Variants in ITFG1 observed in about 807,000 individuals in gnomAD.
ITFG1 encodes T-cell immunomodulatory protein.
Under a neutral mutation model 81.8 loss-of-function variants are expected in ITFG1, and 34 were observed. The ratio of observed to expected loss-of-function variants is 0.42; its 90% CI spans 0.32 to 0.55. The LOEUF (loss-of-function observed/expected upper bound fraction) is 0.55, where lower values mean the gene tolerates loss of function less well. Among genes scored for constraint, ITFG1 ranks in the 20% least tolerant of loss-of-function variants. ITFG1 has a pLI of 0.17. For missense variants in ITFG1, 672 were observed against 755.4 expected (o/e 0.89, Z 1.29); for synonymous variants, 285 against 270.6 (o/e 1.05, Z -0.52).
Position 47,194,758 on chromosome 16 carries a change from G to A in ITFG1, c.1453+24110C>T, listed in dbSNP as rs1311952639. ...AAGTTCCGGGATATATGTGCAGAAT[G>A]TGCAGGTTTGTTACATAGGTACACA... is the stretch of plus-strand genomic sequence containing the variant. On this transcript the variant is annotated intron_variant, in intron 14 of 17. Transcript: ENST00000320640. Among the ~76,000 whole-genome samples, 4 of 152,164 alleles carry A rather than the reference G, an allele frequency of 2.6e-5. No individual in the cohort carries two copies. The East Asian group carries it at 7.7e-4, about 29-fold the overall frequency.
At position 47,165,196 on chromosome 16, in the gene ITFG1, C is replaced by T. The variant is rs1443242764; in HGVS notation, c.1454-2532G>A. On this transcript the variant is annotated intron_variant, in intron 14 of 17. Coordinates refer to ENST00000320640, the MANE Select transcript of ITFG1 (RefSeq NM_030790.5). Reference sequence around the variant, plus strand: ...TATTTTTCTACATGCTTAAACTTAACATTTAAATGACAAAGTTAATTAATA... The same window carrying T: ...TATTTTTCTACATGCTTAAACTTAATATTTAAATGACAAAGTTAATTAATA... Among the ~76,000 whole-genome samples, 4 of 152,128 alleles carry T rather than the reference C, an allele frequency of 2.6e-5. No homozygotes were observed. In the East Asian group the frequency reaches 7.7e-4, roughly 29 times the overall value.
chr16:47,355,402 A>T (rs976237488), intron 8 of ITFG1, among the ~76,000 whole-genome samples: 1 of 152,136 alleles, frequency 6.6e-6, no homozygotes, highest in Non-Finnish European at 1.5e-5. Context: ...ATATGGAGAG[A>T]GCTTGGTCAA....
intron 8 of ITFG1, among the ~76,000 whole-genome samples, chr16:47,356,517 G>A (rs1161770157): frequency 2.6e-5 from 4 of 152,184 alleles, no homozygotes; most frequent in Admixed American, 1.3e-4. Flanking sequence ...CTAGGGAACC[G>A]AACAGGAAAA....
intron 10 of ITFG1, among the ~76,000 whole-genome samples, chr16:47,297,359 T>G (rs1446726287): frequency 6.6e-6 from 1 of 152,208 alleles, no homozygotes; most frequent in Non-Finnish European, 1.5e-5. Flanking sequence ...AGATGGCTGA[T>G]TTTTAAAAAC....
chr16:47,442,309 T>C (rs1012295982), intron 5 of ITFG1, among the ~76,000 whole-genome samples: 1 of 152,250 alleles, frequency 6.6e-6, no homozygotes, highest in South Asian at 2.1e-4. Flanking sequence ...ATGACTTTTT[T>C]CAGAGAATTG....
rs572046836 is a variant in ITFG1 at position 47,224,868 on chromosome 16, A to C, written c.1375-5922T>G. Among the ~76,000 whole-genome samples, 6 of 152,262 alleles carry C rather than the reference A, an allele frequency of 3.9e-5. No individual in the cohort carries two copies. In the South Asian group the frequency reaches 8.3e-4, roughly 21 times the overall value. ...AAAAAAATTAGCTGTGCATGGTGGC[A>C]AGTGCCTGTGGTCCCAGCTACTCAG... On this transcript the variant is annotated intron_variant, in intron 13 of 17. Coordinates refer to ENST00000320640, the MANE Select transcript of ITFG1 (RefSeq NM_030790.5).
At chr16:47,198,728 T>C (rs1965387309) in intron 14 of ITFG1, among the ~76,000 whole-genome samples, 1 of 152,164 alleles carries the variant, frequency 6.6e-6, no homozygotes, top group African/African-American at 2.4e-5. Context: ...TGGAAGACAC[T>C]GATGTTGGTG....
At chr16:47,274,149 C>A (rs1000770250) in intron 10 of ITFG1, among the ~76,000 whole-genome samples, 5 of 151,362 alleles carry the variant, frequency 3.3e-5, no homozygotes, top group African/African-American at 4.8e-5. Context: ...CCCAACTACT[C>A]GGGAGGCTGA....
rs371633105 is a variant in ITFG1, at chr16:47,187,933, A to C, written c.1454-25269T>G. Among the ~76,000 whole-genome samples, 234 of 151,800 alleles carry C rather than the reference A, an allele frequency of 1.5e-3. 2 individuals carry two copies. Among genetic ancestry groups the C allele is most frequent in the East Asian group, 1.5e-3 (8 of 5,170 alleles). On this transcript the variant is annotated intron_variant, in intron 14 of 17. Transcript: ENST00000320640. ...ATTTACAAGAAAAAAACAAACAACC[A>C]CATCAAAAAGTGGGCGAAGGACATG...
chr16:47,229,811 TC>T (rs1482609254), intron 13 of ITFG1, among the ~76,000 whole-genome samples: 1 of 152,118 alleles, frequency 6.6e-6, no homozygotes. Context: ...GGTCTGATGT[TC>T]AGGAAAGTGG....
At chr16:47,422,587 T>C (rs906996529) in intron 6 of ITFG1, among the ~76,000 whole-genome samples, 4 of 152,222 alleles carry the variant, frequency 2.6e-5, no homozygotes, top group African/African-American at 7.2e-5. Context: ...TCTTTGTACC[T>C]CTGGTAGAAT....
At chr16:47,172,690 A>G (rs923563668) in intron 14 of ITFG1, among the ~76,000 whole-genome samples, 1 of 152,164 alleles carries the variant, frequency 6.6e-6, no homozygotes, top group Non-Finnish European at 1.5e-5. Flanking sequence ...TAAAATATAT[A>G]CAAACTCTAG....
At chr16:47,422,628 T>C (rs1429271570) in intron 6 of ITFG1, among the ~76,000 whole-genome samples, 1 of 152,230 alleles carries the variant, frequency 6.6e-6, no homozygotes, top group Non-Finnish European at 1.5e-5. Context: ...TCCTGGACTT[T>C]CTTTGGTTGG....
In ITFG1 at chr16:47,260,573, AC is replaced by A; in HGVS notation, c.1192del (p.Val398LeufsTer16). The A allele has an allele frequency of 1.2e-6, 2 of 1,614,190 alleles. No homozygotes were observed. Among genetic ancestry groups the A allele is most frequent in the Non-Finnish European group, 1.7e-6 (2 of 1,180,006 alleles). On this transcript the variant is annotated frameshift_variant, in exon 11 of 18. Transcript: ENST00000320640. LOFTEE classifies it high-confidence loss of function. ...TTCGTAAATGTCAAAGAAGGTGGCA[AC>A]CATGGCATCCTTAATTTGATTTAGG... ...TDLNQIKDAM[V>X]ATFFDIYEDG...
In ITFG1 at chr16:47,193,221, AT is replaced by A. The variant is rs1329375114; in HGVS notation, c.1453+25646del. ...ATTTTATTTTAATTTTATTAAAAAAATTTTTTTTTTTTTCAGATCTAGGCCT... is the reference window on the plus strand; with the variant it reads ...ATTTTATTTTAATTTTATTAAAAAAATTTTTTTTTTTTCAGATCTAGGCCT... On this transcript the variant is annotated intron_variant, in intron 14 of 17. Transcript: ENST00000320640. Among the ~76,000 whole-genome samples the A allele has an allele frequency of 8.9e-3, 1,292 of 145,534 alleles. 8 individuals are homozygous for A. The highest frequency in any genetic ancestry group is 0.016 in the East Asian group (78 of 5,016).
At chr16:47,406,811 A>G (rs1488992910) in intron 6 of ITFG1, among the ~76,000 whole-genome samples, 13 of 152,240 alleles carry the variant, frequency 8.5e-5, no homozygotes, top group South Asian at 2.1e-4. Context: ...GAGAAGGAAC[A>G]TAACATTTAA....
intron 10 of ITFG1, among the ~76,000 whole-genome samples, chr16:47,308,090 T>C (rs958390146): frequency 6.6e-6 from 1 of 152,344 alleles, no homozygotes; most frequent in East Asian, 1.9e-4. Context: ...CTATTGTGAA[T>C]AGTGCCGCAA....
intron 14 of ITFG1, among the ~76,000 whole-genome samples, chr16:47,188,204 G>A (rs1214218691): frequency 6.6e-6 from 1 of 151,530 alleles, no homozygotes; most frequent in Non-Finnish European, 1.5e-5. Context: ...AGTCAGTGTG[G>A]CGATTCCTCA....
chr16:47,397,708 C>A (rs1218344740), intron 6 of ITFG1, among the ~76,000 whole-genome samples: 1 of 152,108 alleles, frequency 6.6e-6, no homozygotes, highest in Non-Finnish European at 1.5e-5. Flanking sequence ...GATTAAGAAA[C>A]CCTGAGGTAG....
Sources: allele counts gnomAD v4.1 joint callset (sites outside exome capture counted in the v4.1 genomes callset), GRCh38; gene constraint gnomAD v4.1.1; transcripts MANE v1.5; gene names NCBI Gene and HGNC (gene_info 2026-07-23, HGNC 2026-07-21).